Variants in AP3B2 observed in about 807,000 individuals in gnomAD.
The protein encoded by AP3B2 is AP-3 complex subunit beta-2.
A neutral mutation model predicts 126.9 loss-of-function variants in AP3B2; 50 were observed. The ratio of observed to expected loss-of-function variants is 0.39; its 90% confidence interval spans 0.31 to 0.50. AP3B2 has a LOEUF of 0.50. Ranked by LOEUF, AP3B2 falls within the 20% of genes least tolerant of loss-of-function variation. The pLI is 0.79. For synonymous variants in AP3B2, 541 were observed against 565.0 expected, an observed-to-expected ratio of 0.96 and a Z score of 0.60; for missense variants, 1,177 against 1,426.4, an observed-to-expected ratio of 0.83 and a Z score of 2.82.
At chr15:82,697,176 T>A (rs903659085) in intron 1 of AP3B2, among the ~76,000 whole-genome samples, 5 of 151,650 alleles carry the variant, frequency 3.3e-5, no homozygotes, top group Non-Finnish European at 5.9e-5. Context: ...CTAAAAAATT[T>A]AAAAAAAATT....
intron 14 of AP3B2, among the ~76,000 whole-genome samples, chr15:82,671,059 G>A (rs1288293569): frequency 1.3e-5 from 2 of 152,140 alleles, no homozygotes; most frequent in Admixed American, 6.6e-5. Flanking sequence ...TGAGGCAGGC[G>A]GATCACCTGA....
chr15:82,709,377 C>A (rs1391313360), intron 1 of AP3B2, among the ~76,000 whole-genome samples: 1 of 151,974 alleles, frequency 6.6e-6, no homozygotes, highest in Non-Finnish European at 1.5e-5. Flanking sequence ...CCCCTATCTG[C>A]CCCCCTCCGC....
Position 82,665,568 on chromosome 15 carries a change from G to T in AP3B2, c.1860C>A (p.Asp620Glu), listed in dbSNP as rs779641851. 1 of 1,613,332 alleles carries T rather than the reference G, an allele frequency of 6.2e-7. No homozygotes were observed. The highest frequency in any genetic ancestry group is 8.5e-7 in the Non-Finnish European group (1 of 1,179,378). Reference protein sequence around the residue: ...PVLESSFKDRDHFQLGSLSHL... With the variant: ...PVLESSFKDREHFQLGSLSHL... ...GGGACAGTGAGCCCAGCTGGAAGTG[G>T]TCCCGGTCTAGGGATAGGTTTAGAG... Residue 620 changes from aspartate to glutamate, a missense_variant, in exon 16 of 27, where the codon GAC becomes GAA. By Grantham distance (45) the Asp-to-Glu change is conservative. Around this residue, in one of 5 missense-constraint regions of AP3B2, gnomAD observed 308 missense variants for 452.4 expected, o/e 0.68. Transcript: ENST00000535359. The surrounding 1 kb of genome is among the most constrained non-coding windows in gnomAD (Gnocchi z 4.4).
intron 1 of AP3B2, chr15:82,691,787 C>A (rs2048539201): frequency 6.5e-7 from 1 of 1,530,982 alleles, no homozygotes; most frequent in Non-Finnish European, 9.0e-7. Flanking sequence ...AGAGTCACGG[C>A]CCCTTGACCC....
chr15:82,688,249 G>C lies in AP3B2; in HGVS notation c.360+487C>G, dbSNP rs60453689. ...TTAGACTAACCAGAAAAGCCCTTAG[G>C]GGGGAGACTTATACATGCACCTAAC... On this transcript the variant is annotated intron_variant, in intron 4 of 26. Transcript: ENST00000535359. 1.5e-3 allele frequency: 897 copies of C among 592,102 alleles called. 3 individuals carry two copies. The highest frequency in any genetic ancestry group is 0.012 in the African/African-American group (659 of 53,932). 36.7% of individuals were successfully genotyped at this position (592,102 alleles called of 1,614,324 possible).
intron 1 of AP3B2, among the ~76,000 whole-genome samples, chr15:82,694,276 A>T (rs1409543851): frequency 6.7e-6 from 1 of 148,458 alleles, no homozygotes; most frequent in Non-Finnish European, 1.5e-5. Context: ...AAGTGCTGGG[A>T]TTACAAGTGT....
intron 14 of AP3B2, among the ~76,000 whole-genome samples, chr15:82,670,069 C>CAAAA (rs779045948): frequency 1.1e-4 from 4 of 36,424 alleles, no homozygotes; most frequent in African/African-American, 4.6e-4. Context: ...ACTCCGTCTC[C>CAAAA]AAAAAAAAAA....
intron 1 of AP3B2, among the ~76,000 whole-genome samples, chr15:82,694,562 G>A (rs1431766813): frequency 1.3e-5 from 2 of 152,016 alleles, no homozygotes; most frequent in Admixed American, 1.3e-4. Flanking sequence ...GCACATGCCT[G>A]TAGTCACAGC....
At chr15:82,703,238 C>T (rs2048746932) in intron 1 of AP3B2, among the ~76,000 whole-genome samples, 1 of 152,106 alleles carries the variant, frequency 6.6e-6, no homozygotes, top group African/African-American at 2.4e-5. Flanking sequence ...TGGCAAACAC[C>T]ACTTTTTGGG....
chr15:82,663,776 C>T, intron 20 of AP3B2, 25 bp downstream of exon 20: 15 of 1,606,404 alleles, frequency 9.3e-6, no homozygotes, highest in Non-Finnish European at 1.2e-5. Flanking sequence ...ATGAGCACAC[C>T]CTGACTCTGC....
chr15:82,706,970 GA>G (rs2048806528), intron 1 of AP3B2, among the ~76,000 whole-genome samples: 1 of 152,188 alleles, frequency 6.6e-6, no homozygotes, highest in Admixed American at 6.5e-5. Flanking sequence ...CCCGAGTCAG[GA>G]AACTAAAATA....
intron 25 of AP3B2, among the ~76,000 whole-genome samples, chr15:82,661,080 C>T (rs1025972736): frequency 2.0e-5 from 3 of 152,162 alleles, no homozygotes; most frequent in African/African-American, 7.2e-5. Context: ...CCACCTCTCC[C>T]TGTGCTCCTT....
At chr15:82,670,676 C>T (rs1165340718) in intron 14 of AP3B2, among the ~76,000 whole-genome samples, 1 of 152,212 alleles carries the variant, frequency 6.6e-6, no homozygotes, top group Non-Finnish European at 1.5e-5. Context: ...CCCACAAGCA[C>T]GGGCAACCAA....
chr15:82,680,058 G>T lies in AP3B2; in HGVS notation c.1110+117C>A. On this transcript the variant is annotated intron_variant, in intron 9 of 26. Transcript: ENST00000535359. The surrounding 1 kb of genome is among the most constrained non-coding windows in gnomAD (Gnocchi z 6.1). ...CCTCCCCTGCCCCATCCTCTGCACAGCCAGGGTATTCCTCCATCTTCCCTT... is the reference window on the plus strand; with the variant it reads ...CCTCCCCTGCCCCATCCTCTGCACATCCAGGGTATTCCTCCATCTTCCCTT... The T allele has an allele frequency of 1.4e-6, 2 of 1,421,346 alleles. No homozygotes were observed. The highest frequency in any genetic ancestry group is 2.0e-5 in the Admixed American group (1 of 51,138). The allele number at this position is 1,421,346 out of a possible 1,614,324, so 88.0% of individuals were successfully genotyped here.
rs188568477 is a variant in AP3B2 at position 82,709,864 on chromosome 15, C to T, written c.-158G>A. On this transcript the variant is annotated 5_prime_UTR_variant, in exon 1 of 27. Coordinates refer to ENST00000535359, the MANE Select transcript of AP3B2 (RefSeq NM_001278512.2). Reference sequence around the variant, plus strand: ...GCAGTGTGCAGCGGCGGAGGCTGCGCGCGGATTTCTCAATCAGGGCCGCGC... The same window carrying T: ...GCAGTGTGCAGCGGCGGAGGCTGCGTGCGGATTTCTCAATCAGGGCCGCGC... 0.021 allele frequency: 10,614 copies of T among 506,734 alleles called. 154 individuals are homozygous for T. Among genetic ancestry groups the T allele is most frequent in the Non-Finnish European group, 0.026 (7,937 of 308,758 alleles). The allele number at this position is 506,734 out of a possible 1,614,324, so 31.4% of individuals were successfully genotyped here.
Position 82,659,936 on chromosome 15 carries a change from C to T in AP3B2, c.3064G>A (p.Asp1022Asn), listed in dbSNP as rs752918367. ...ACAATGTGGTCACTCCGACAGGTGT[C>T]TGGCAGCATGAGTTTCTCTGTGATC... ...NEITEKLMLP[D>N]TCRSDHIVVQ... Residue 1022 changes from aspartate to asparagine, a missense_variant, in exon 26 of 27, where the codon GAC becomes AAC. Asp to Asn is a conservative substitution (Grantham distance 23). This residue lies in a region of AP3B2 where 587 missense variants were observed against 571.3 expected (regional missense o/e 1.03). Transcript: ENST00000535359. The T allele has an allele frequency of 2.5e-6, 4 of 1,613,998 alleles. No individual in the cohort carries two copies. The Admixed American group carries it at 6.7e-5, about 27-fold the overall frequency.
chr15:82,673,358 C>T (rs562038728), intron 14 of AP3B2, among the ~76,000 whole-genome samples: 73 of 152,138 alleles, frequency 4.8e-4, no homozygotes, highest in African/African-American at 1.7e-3. Flanking sequence ...GAGATTTCAG[C>T]GCACCACCAC....
chr15:82,692,445 C>A (rs1438818196), intron 1 of AP3B2: 3 of 341,514 alleles, frequency 8.8e-6, no homozygotes, highest in South Asian at 4.7e-5. Flanking sequence ...ACTGTGGGAA[C>A]GAGAAGCAAT....
At chr15:82,677,198 G>GC in intron 13 of AP3B2, 76 bp downstream of exon 13, 1 of 1,226,904 alleles carries the variant, frequency 8.2e-7, no homozygotes, top group South Asian at 1.3e-5. Context: ...GATAAGGCTA[G>GC]CATATGTAAT....
Sources: gnomAD v4.1 joint callset for allele counts (sites outside exome capture counted in the v4.1 genomes callset) on GRCh38, gnomAD v4.1.1 for gene constraint, gnomAD v4.1.1 regional missense constraint, Gnocchi (gnomAD v3.1) non-coding constraint, MANE v1.5 for transcripts, NCBI Gene and HGNC (gene_info 2026-07-23, HGNC 2026-07-21) for gene names.